Variants in SENP6 observed in about 807,000 individuals in gnomAD.
SENP6 encodes the protein sentrin-specific protease 6.
Under a neutral mutation model 134.5 loss-of-function variants are expected in SENP6, and 41 were observed. The ratio of observed to expected loss-of-function variants is 0.30; its 90% CI spans 0.24 to 0.40. The LOEUF is 0.40. SENP6 is among the 10% of genes least tolerant of loss of function. The probability of loss-of-function intolerance (pLI) is 1.00; values close to 1 mark genes in which losing one functional copy is unlikely to be tolerated. For missense variants in SENP6, 1,248 were observed against 1,312.5 expected (o/e 0.95, Z 0.76); for synonymous variants, 395 against 429.8 (o/e 0.92, Z 1.00).
chr6:75,665,764 C>A (rs1464505109), intron 9 of SENP6, among the ~76,000 whole-genome samples: 1 of 152,074 alleles, frequency 6.6e-6, no homozygotes, highest in Non-Finnish European at 1.5e-5. Context: ...CGGTGGCTCA[C>A]GCCTGTAATC....
intron 10 of SENP6, among the ~76,000 whole-genome samples, chr6:75,668,875 A>T (rs527600231): frequency 1.6e-4 from 25 of 152,270 alleles, no homozygotes; most frequent in African/African-American, 6.0e-4. Flanking sequence ...GTCTTTGATG[A>T]TGCTCCATGG....
Position 75,705,553 on chromosome 6 carries a change from TAAA to T in SENP6, c.2716+2482_2716+2484del, listed in dbSNP as rs774653296. On this transcript the variant is annotated intron_variant, in intron 19 of 23. Transcript: ENST00000447266. Reference sequence around the variant, plus strand: ...AGCGAGACTCCATCTCAAAAATAAATAAATAAATTAATTAATTAATTAAAAACT... The same window carrying T: ...AGCGAGACTCCATCTCAAAAATAAATTAAATTAATTAATTAATTAAAAACT... Among the ~76,000 whole-genome samples, 97 of 151,922 alleles carry T rather than the reference TAAA, an allele frequency of 6.4e-4. 2 individuals are homozygous for T. The South Asian group carries it at 0.011, about 18-fold the overall frequency.
At chr6:75,674,960 A>G (rs1331632704) in intron 11 of SENP6, among the ~76,000 whole-genome samples, 2 of 152,084 alleles carry the variant, frequency 1.3e-5, no homozygotes, top group Non-Finnish European at 2.9e-5. Context: ...CCTTTTTTGA[A>G]TGTCTCTTCT....
At chr6:75,661,547 A>C (rs1415412694) in intron 8 of SENP6, among the ~76,000 whole-genome samples, 3 of 152,246 alleles carry the variant, frequency 2.0e-5, no homozygotes, top group African/African-American at 7.2e-5. Context: ...CACATCACCT[A>C]GGTATTAAAC....
rs573024952 is a variant in SENP6 at position 75,631,942 on chromosome 6, A to G, written c.208-1639A>G. Reference sequence around the variant, plus strand: ...AAGCATTGATGAAACCATTCCATAAACAAGTGACTGTCACCCACACTTTGA... The same window carrying G: ...AAGCATTGATGAAACCATTCCATAAGCAAGTGACTGTCACCCACACTTTGA... On this transcript the variant is annotated intron_variant, in intron 3 of 23. Coordinates refer to ENST00000447266, the MANE Select transcript of SENP6 (RefSeq NM_015571.4). Among the ~76,000 whole-genome samples, 320 of 152,318 alleles carry G rather than the reference A, an allele frequency of 2.1e-3. 1 individual carries two copies. Among genetic ancestry groups the G allele is most frequent in the African/African-American group, 7.4e-3 (308 of 41,564 alleles).
intron 5 of SENP6, among the ~76,000 whole-genome samples, chr6:75,640,378 C>G (rs1411390673): frequency 6.6e-6 from 1 of 152,134 alleles, no homozygotes; most frequent in Non-Finnish European, 1.5e-5. Context: ...TGGAAAGGAT[C>G]GTTAGAGAAT....
Position 75,634,760 on chromosome 6 carries a change from G to A in SENP6, c.407G>A (p.Arg136His), listed in dbSNP as rs531966562. The A allele has an allele frequency of 1.2e-5, 19 of 1,596,612 alleles. No individual in the cohort carries two copies. Among genetic ancestry groups the A allele is most frequent in the South Asian group, 1.2e-4 (10 of 86,354 alleles). ...LCSGTVVHGR[R>H]FHHAHAQIPV... ...TCTGGAACTGTAGTTCATGGTAGAC[G>A]TTTTCATCATGCTCATGCACAGATA... The change falls in exon 5 of 24, where the codon CGT becomes CAT. Residue 136 changes from arginine to histidine, a missense_variant. By Grantham distance (29) the Arg-to-His change is conservative. This residue lies in a region of SENP6 where 733 missense variants were observed against 725.4 expected (regional missense o/e 1.01). Coordinates refer to ENST00000447266, the MANE Select transcript of SENP6 (RefSeq NM_015571.4).
intron 7 of SENP6, among the ~76,000 whole-genome samples, chr6:75,648,842 C>G (rs1247305516): frequency 1.3e-5 from 2 of 152,146 alleles, no homozygotes; most frequent in Admixed American, 1.3e-4. Flanking sequence ...AGCTAAAAAA[C>G]TTCCTCAAGG....
At chr6:75,639,994 A>G (rs1194775005) in intron 5 of SENP6, among the ~76,000 whole-genome samples, 11 of 152,296 alleles carry the variant, frequency 7.2e-5, no homozygotes, top group Admixed American at 7.2e-4. Flanking sequence ...CCATTCCCTT[A>G]TTAGTAGATA....
chr6:75,707,045 T>C (rs934171161), intron 19 of SENP6, among the ~76,000 whole-genome samples: 2 of 152,222 alleles, frequency 1.3e-5, no homozygotes, highest in African/African-American at 4.8e-5. Flanking sequence ...TCATCACCTC[T>C]CAATTTACTC....
Position 75,602,242 on chromosome 6 carries a change from C to CG in SENP6, c.-280dup. The stretch of plus-strand genomic sequence containing the variant: ...GTCGTGGGCCGAGAGGAACCGGGCC[C>CG]GGGAAGCGCCGTCGTCGTCGTCGCC... On this transcript the variant is annotated 5_prime_UTR_variant, in exon 1 of 24. The change abolishes the stop of an existing upstream ORF in the 5' untranslated region. Coordinates refer to ENST00000447266, the MANE Select transcript of SENP6 (RefSeq NM_015571.4). The CG allele has an allele frequency of 2.8e-6, 1 of 359,976 alleles. No individual in the cohort carries two copies. The highest frequency in any genetic ancestry group is 5.0e-6 in the Non-Finnish European group (1 of 201,484). 22.3% of individuals were successfully genotyped at this position (359,976 alleles called of 1,614,324 possible).
chr6:75,606,590 T>C (rs1205986733), intron 1 of SENP6, among the ~76,000 whole-genome samples: 3 of 152,132 alleles, frequency 2.0e-5, no homozygotes, highest in African/African-American at 7.2e-5. Context: ...AAATGTAAAA[T>C]TACAACTGAC....
At chr6:75,710,593 C>T (rs1775692454) in intron 20 of SENP6, among the ~76,000 whole-genome samples, 2 of 152,092 alleles carry the variant, frequency 1.3e-5, no homozygotes, top group Admixed American at 6.5e-5. Flanking sequence ...CTTTTCAATC[C>T]AACATATATA....
chr6:75,638,443 CAT>C (rs1218115165), intron 5 of SENP6, among the ~76,000 whole-genome samples: 1 of 149,372 alleles, frequency 6.7e-6, no homozygotes, highest in African/African-American at 2.5e-5. Flanking sequence ...GATAAAAACA[CAT>C]ATTGAAGGTA....
intron 2 of SENP6, 47 bp from the exon 3 acceptor site, chr6:75,623,853 G>A (rs763099628): frequency 1.3e-6 from 2 of 1,482,240 alleles, no homozygotes; most frequent in Non-Finnish European, 1.9e-6. Flanking sequence ...TTTAATATAA[G>A]GATTGTGATT....
chr6:75,613,319 T>C (rs1281273022), intron 1 of SENP6, among the ~76,000 whole-genome samples: 1 of 152,082 alleles, frequency 6.6e-6, no homozygotes, highest in Non-Finnish European at 1.5e-5. Context: ...AACACAGCAA[T>C]ACCTATTTGC....
intron 8 of SENP6, among the ~76,000 whole-genome samples, chr6:75,662,332 G>A (rs1004341640): frequency 2.2e-4 from 34 of 151,572 alleles, no homozygotes; most frequent in Non-Finnish European, 2.2e-4. Flanking sequence ...ATTGGATGTC[G>A]CTATGTTGCC....
chr6:75,616,584 T>C (rs991742845), intron 1 of SENP6, among the ~76,000 whole-genome samples: 2 of 151,894 alleles, frequency 1.3e-5, no homozygotes, highest in Non-Finnish European at 2.9e-5. Flanking sequence ...CTGTCTTTAC[T>C]AAAAATACAA....
chr6:75,612,420 C>T (rs1483754513), intron 1 of SENP6, among the ~76,000 whole-genome samples: 2 of 152,182 alleles, frequency 1.3e-5, no homozygotes, highest in African/African-American at 4.8e-5. Context: ...CAGTCTCAAA[C>T]TCCTGGGCTC....
Sources: allele counts gnomAD v4.1 joint callset (sites outside exome capture counted in the v4.1 genomes callset), GRCh38; gene constraint gnomAD v4.1.1; regional missense constraint gnomAD v4.1.1; transcripts MANE v1.5; gene names NCBI Gene and HGNC (gene_info 2026-07-23, HGNC 2026-07-21).